FILIP1L: variants seen among roughly 807,000 people sequenced by gnomAD.
FILIP1L encodes filamin A-interacting protein 1-like.
Under a neutral mutation model 96.6 loss-of-function variants are expected in FILIP1L, and 55 were observed. That is an observed-to-expected ratio of 0.57 (90% confidence interval 0.46 to 0.71). The LOEUF (loss-of-function observed/expected upper bound fraction) is 0.71, where lower values mean the gene tolerates loss of function less well. Among genes scored for constraint, FILIP1L ranks in the 30% least tolerant of loss-of-function variants. The pLI, the probability that FILIP1L is intolerant of heterozygous loss-of-function variation, is 0.00. For synonymous variants in FILIP1L, 467 were observed against 473.9 expected (o/e 0.99, Z 0.19); for missense variants, 1,304 against 1,321.2 (o/e 0.99, Z 0.20).
chr3:100,068,555 A>G (rs542066804), intron 1 of FILIP1L, among the ~76,000 whole-genome samples: 1 of 152,348 alleles, frequency 6.6e-6, no homozygotes, highest in East Asian at 1.9e-4. Context: ...ACCCACTGCA[A>G]GTTTCATATA....
Position 99,895,620 on chromosome 3 carries a change from A to C in FILIP1L, c.605+28610T>G, listed in dbSNP as rs533371214. On this transcript the variant is annotated intron_variant, in intron 4 of 5. Transcript: ENST00000477258. ...TTAACCTATAGATTGGTTTTCGTAT[A>C]CCAAAAGGGGATAATCAGTGCAGAT... 2.6e-5 allele frequency among the ~76,000 whole-genome samples: 4 copies of C among 152,300 alleles called. No individual in the cohort carries two copies. The South Asian group carries it at 8.3e-4, about 32-fold the overall frequency.
chr3:99,832,238 T>TA (rs1942695003), intron 5 of FILIP1L, among the ~76,000 whole-genome samples: 1 of 151,326 alleles, frequency 6.6e-6, no homozygotes, highest in Non-Finnish European at 1.5e-5. Context: ...AATCTTTTTT[T>TA]TTTTTTTTTT....
intron 4 of FILIP1L, chr3:99,898,138 G>A (rs1407435285): frequency 6.6e-6 from 1 of 152,054 alleles, no homozygotes; most frequent in Non-Finnish European, 1.5e-5. Context: ...TGGTTTAAAT[G>A]TAGCTTATTT....
rs79536734 is a variant in FILIP1L at position 99,894,951 on chromosome 3, T to G, written c.605+29279A>C. Reference sequence around the variant, plus strand: ...CTATGTGTTACACGAAACATGATATTTAATTAACAAATGTGTTCCAGGTTC... The same window carrying G: ...CTATGTGTTACACGAAACATGATATGTAATTAACAAATGTGTTCCAGGTTC... On this transcript the variant is annotated intron_variant, in intron 4 of 5. Transcript: ENST00000477258. Among the ~76,000 whole-genome samples, 687 of 152,298 alleles carry G rather than the reference T, an allele frequency of 4.5e-3. 7 individuals carry two copies. The highest frequency in any genetic ancestry group is 0.016 in the African/African-American group (673 of 41,558).
intron 1 of FILIP1L, among the ~76,000 whole-genome samples, chr3:100,016,508 T>C (rs1201350681): frequency 6.6e-6 from 1 of 152,190 alleles, no homozygotes; most frequent in Non-Finnish European, 1.5e-5. Flanking sequence ...ATAACTTTTC[T>C]GATTTCTTGG....
intron 4 of FILIP1L, among the ~76,000 whole-genome samples, chr3:99,891,196 G>A (rs962187785): frequency 4.0e-5 from 6 of 151,766 alleles, no homozygotes; most frequent in African/African-American, 1.2e-4. Context: ...AGTTTTCCTT[G>A]CAGTCCTTTA....
At chr3:100,027,325 T>C (rs933448402) in intron 1 of FILIP1L, among the ~76,000 whole-genome samples, 2 of 152,146 alleles carry the variant, frequency 1.3e-5, no homozygotes, top group Admixed American at 6.6e-5. Flanking sequence ...GCCTCACACA[T>C]GGTAGGTGTT....
chr3:100,043,388 A>G (rs1019551478), intron 1 of FILIP1L, among the ~76,000 whole-genome samples: 1 of 152,036 alleles, frequency 6.6e-6, no homozygotes, highest in African/African-American at 2.4e-5. Flanking sequence ...TCGTTCTTGA[A>G]TCTCATTTTC....
chr3:99,886,248 G>A (rs1186377104), intron 4 of FILIP1L, among the ~76,000 whole-genome samples: 3 of 68,774 alleles, frequency 4.4e-5, no homozygotes, highest in African/African-American at 6.2e-5. Flanking sequence ...GGTGAGAGGG[G>A]AATGAGTGTA....
intron 1 of FILIP1L, among the ~76,000 whole-genome samples, chr3:100,094,715 G>A (rs1188331193): frequency 5.4e-4 from 58 of 107,584 alleles, no homozygotes; most frequent in African/African-American, 2.1e-3. Context: ...AGACAGTCTC[G>A]CTCTGTCACC....
rs1448837708 is a variant in FILIP1L, at chr3:100,109,905, C to G, written c.-11+4148G>C. 6 of 45,704 alleles carry G rather than the reference C, an allele frequency of 1.3e-4. No individual in the cohort carries two copies. The East Asian group carries it at 2.1e-3, about 16-fold the overall frequency. The allele number at this position is 45,704 out of a possible 1,614,324, so 2.8% of individuals were successfully genotyped here. The stretch of plus-strand genomic sequence containing the variant: ...CATCTGCAAATGTTTCTTTTATGAC[C>G]CCCCCCCCCCAGCACCACCCCCCAG... On this transcript the variant is annotated intron_variant, in intron 1 of 5. Coordinates refer to ENST00000477258, the MANE Select transcript of FILIP1L (RefSeq NM_001387850.1).
chr3:99,987,674 G>A (rs777667599), intron 1 of FILIP1L, among the ~76,000 whole-genome samples: 2 of 152,044 alleles, frequency 1.3e-5, no homozygotes, highest in Non-Finnish European at 2.9e-5. Flanking sequence ...TTATTAACAT[G>A]ACCCAAAGTC....
intron 1 of FILIP1L, among the ~76,000 whole-genome samples, chr3:100,069,720 A>G (rs550697273): frequency 6.6e-6 from 1 of 152,230 alleles, no homozygotes; most frequent in South Asian, 2.1e-4. Flanking sequence ...AATACAAGTA[A>G]CCTGTTTTGA....
At chr3:100,027,269 A>T (rs1039473792) in intron 1 of FILIP1L, among the ~76,000 whole-genome samples, 10 of 152,222 alleles carry the variant, frequency 6.6e-5, no homozygotes, top group African/African-American at 2.4e-4. Context: ...TAGGGACTTT[A>T]TATGATTTTG....
rs148731515 is a variant in FILIP1L at position 100,107,550 on chromosome 3, C to T, written c.-11+6503G>A. Among the ~76,000 whole-genome samples, 73 of 152,206 alleles carry T rather than the reference C, an allele frequency of 4.8e-4. 2 individuals are homozygous for T. In the East Asian group the frequency reaches 5.0e-3, roughly 10 times the overall value. On this transcript the variant is annotated intron_variant, in intron 1 of 5. Coordinates refer to ENST00000477258, the MANE Select transcript of FILIP1L (RefSeq NM_001387850.1). ...TTCTGAAACTAACCTAACCACTAAA[C>T]GATAGGCTAGTAAAACTTGCAGTCT...
chr3:99,909,610 CT>C (rs1307592058), intron 4 of FILIP1L, among the ~76,000 whole-genome samples: 2 of 152,104 alleles, frequency 1.3e-5, no homozygotes, highest in African/African-American at 4.8e-5. Flanking sequence ...CTTGAAAAAT[CT>C]TTGCATAAAG....
chr3:99,911,832 T>G (rs1272874775), intron 4 of FILIP1L, among the ~76,000 whole-genome samples: 1 of 152,334 alleles, frequency 6.6e-6, no homozygotes. Context: ...ATTATTTTTT[T>G]TTCCTAGTTC....
At chr3:99,886,113 G>A (rs951619906) in intron 4 of FILIP1L, among the ~76,000 whole-genome samples, 7 of 152,358 alleles carry the variant, frequency 4.6e-5, no homozygotes, top group African/African-American at 1.7e-4. Context: ...GTGTGCACAC[G>A]TGCACATGGA....
At chr3:99,895,056 T>C (rs1183280637) in intron 4 of FILIP1L, among the ~76,000 whole-genome samples, 1 of 152,138 alleles carries the variant, frequency 6.6e-6, no homozygotes. Context: ...AAAGTAGCTC[T>C]GGAAATACTC....
Sources: gnomAD v4.1 joint callset for allele counts (sites outside exome capture counted in the v4.1 genomes callset) on GRCh38, gnomAD v4.1.1 for gene constraint, MANE v1.5 for transcripts, NCBI Gene and HGNC (gene_info 2026-07-23, HGNC 2026-07-21) for gene names.